Variants in DCC observed in about 807,000 individuals in gnomAD.
DCC encodes the protein DCC netrin 1 receptor.
A neutral mutation model predicts 172.5 loss-of-function variants in DCC; 58 were observed. The ratio of observed to expected loss-of-function variants is 0.34; its 90% CI spans 0.27 to 0.42. The LOEUF (loss-of-function observed/expected upper bound fraction) is 0.42, where lower values mean the gene tolerates loss of function less well. Among genes scored for constraint, DCC ranks in the 10% least tolerant of loss-of-function variants. The pLI is 1.00. For synonymous variants in DCC, 709 were observed against 644.5 expected, an observed-to-expected ratio of 1.10 and a Z score of -1.52; for missense variants, 1,740 against 1,791.0, an observed-to-expected ratio of 0.97 and a Z score of 0.51.
intron 2 of DCC, among the ~76,000 whole-genome samples, chr18:52,871,037 C>G (rs2039310987): frequency 6.6e-6 from 1 of 152,148 alleles, no homozygotes; most frequent in Non-Finnish European, 1.5e-5. Flanking sequence ...TTTTCCAGCA[C>G]TAACCAGACA....
At chr18:52,969,657 C>T (rs2040997765) in intron 5 of DCC, among the ~76,000 whole-genome samples, 1 of 149,282 alleles carries the variant, frequency 6.7e-6, no homozygotes, top group South Asian at 2.1e-4. Context: ...CTCTCTTTCT[C>T]ATCAGTCCTC....
intron 2 of DCC, among the ~76,000 whole-genome samples, chr18:52,825,321 CATTAGAATAT>C (rs2038490884): frequency 6.6e-6 from 1 of 152,058 alleles, no homozygotes; most frequent in Non-Finnish European, 1.5e-5. Flanking sequence ...ATAAAGATTA[CATTAGAATAT>C]GCATATCATA....
chr18:52,540,503 T>A (rs1238049233), intron 1 of DCC, among the ~76,000 whole-genome samples: 1 of 152,066 alleles, frequency 6.6e-6, no homozygotes, highest in Non-Finnish European at 1.5e-5. Flanking sequence ...AGTCATTCAA[T>A]TTTAGTGGCA....
chr18:53,356,109 C>T lies in DCC; in HGVS notation c.2359+16202C>T, dbSNP rs147502855. 3.3e-3 allele frequency among the ~76,000 whole-genome samples: 508 copies of T among 152,060 alleles called. 1 individual carries two copies. The highest frequency in any genetic ancestry group is 0.011 in the African/African-American group (471 of 41,468). On this transcript the variant is annotated intron_variant, in intron 15 of 28. Transcript: ENST00000442544. ...TCACTCTGTCACCCAGGCTGGAGTGCGGTGGTGTGATCATGGCTCACTGCA... is the reference window on the plus strand; with the variant it reads ...TCACTCTGTCACCCAGGCTGGAGTGTGGTGGTGTGATCATGGCTCACTGCA...
At chr18:53,094,993 TATTACTACAC>T (rs976571847) in intron 7 of DCC, among the ~76,000 whole-genome samples, 5 of 152,196 alleles carry the variant, frequency 3.3e-5, no homozygotes, top group African/African-American at 4.8e-5. Flanking sequence ...TATGTCTTGC[TATTACTACAC>T]ATTTTGAGAG....
chr18:52,983,656 T>C (rs1462458720), intron 5 of DCC, among the ~76,000 whole-genome samples: 3 of 152,152 alleles, frequency 2.0e-5, no homozygotes, highest in African/African-American at 4.8e-5. Flanking sequence ...AGCATACCAT[T>C]ACACATATAG....
intron 13 of DCC, among the ~76,000 whole-genome samples, chr18:53,319,109 G>A (rs1015022483): frequency 1.3e-5 from 2 of 152,116 alleles, no homozygotes; most frequent in African/African-American, 2.4e-5. Flanking sequence ...GCTCCTGAAG[G>A]AAGCACTAAA....
At chr18:52,878,679 T>C (rs1760462099) in intron 2 of DCC, among the ~76,000 whole-genome samples, 1 of 152,226 alleles carries the variant, frequency 6.6e-6, no homozygotes, top group Non-Finnish European at 1.5e-5. Context: ...GTTTATTATC[T>C]GATTCTCCCT....
chr18:53,060,822 A>G (rs1175911916), intron 5 of DCC, among the ~76,000 whole-genome samples: 1 of 152,180 alleles, frequency 6.6e-6, no homozygotes, highest in Admixed American at 6.6e-5. Context: ...GTTAGAAAAC[A>G]GCAATCACTT....
chr18:52,690,542 A>C (rs11082938), intron 1 of DCC, among the ~76,000 whole-genome samples: 43,081 of 152,056 alleles, frequency 0.28, 6,791 homozygotes, highest in East Asian at 0.44. Flanking sequence ...ACAATAATAA[A>C]ATACATTTAC....
intron 5 of DCC, among the ~76,000 whole-genome samples, chr18:53,012,240 A>G (rs1014531364): frequency 2.0e-5 from 3 of 151,990 alleles, no homozygotes; most frequent in Admixed American, 6.6e-5. Context: ...AAAAGAAGGT[A>G]TTCATAGGAG....
intron 7 of DCC, among the ~76,000 whole-genome samples, chr18:53,103,947 G>C: frequency 6.6e-6 from 1 of 151,882 alleles, no homozygotes; most frequent in East Asian, 1.9e-4. Flanking sequence ...CACTTTCTTG[G>C]GGTATACAAT....
chr18:53,114,398 G>C (rs2043380252), intron 7 of DCC, among the ~76,000 whole-genome samples: 1 of 151,546 alleles, frequency 6.6e-6, no homozygotes, highest in Admixed American at 6.6e-5. Context: ...CTGAGTATCA[G>C]TACTTGCATA....
intron 12 of DCC, among the ~76,000 whole-genome samples, chr18:53,228,574 A>G (rs1412039324): frequency 6.6e-6 from 1 of 152,086 alleles, no homozygotes; most frequent in Non-Finnish European, 1.5e-5. Flanking sequence ...CTGCTCTTCC[A>G]TGGGGAATTA....
At chr18:53,391,073 A>G (rs1483850622) in intron 16 of DCC, among the ~76,000 whole-genome samples, 1 of 152,190 alleles carries the variant, frequency 6.6e-6, no homozygotes, top group East Asian at 1.9e-4. Flanking sequence ...AGCCACACAC[A>G]GGTTGCTGTG....
At chr18:53,309,964 G>GTGTA (rs371302546) in intron 13 of DCC, among the ~76,000 whole-genome samples, 1 of 137,352 alleles carries the variant, frequency 7.3e-6, no homozygotes. Flanking sequence ...ATACGTGTGT[G>GTGTA]TATATATATA....
intron 27 of DCC, among the ~76,000 whole-genome samples, chr18:53,516,066 T>C (rs2046330424): frequency 6.9e-6 from 1 of 145,872 alleles, no homozygotes; most frequent in Non-Finnish European, 1.5e-5. Context: ...AAGGCTACAG[T>C]AACCAAAACA....
intron 2 of DCC, among the ~76,000 whole-genome samples, chr18:52,798,683 T>A (rs991221591): frequency 2.6e-5 from 4 of 151,902 alleles, no homozygotes; most frequent in Non-Finnish European, 5.9e-5. Flanking sequence ...GGAAAAACAA[T>A]AAGGCAAAGG....
At chr18:53,326,080 C>T (rs2057465273) in intron 14 of DCC, among the ~76,000 whole-genome samples, 1 of 152,188 alleles carries the variant, frequency 6.6e-6, no homozygotes, top group African/African-American at 2.4e-5. Flanking sequence ...AGTCAATTGT[C>T]AAAACATATT....
Sources: gnomAD v4.1 joint callset for allele counts (sites outside exome capture counted in the v4.1 genomes callset) on GRCh38, gnomAD v4.1.1 for gene constraint, MANE v1.5 for transcripts, NCBI Gene and HGNC (gene_info 2026-07-23, HGNC 2026-07-21) for gene names.